The following MED13L variants were observed in gnomAD, a reference collection of about 807,000 sequenced individuals.
MED13L encodes the protein mediator of RNA polymerase II transcription subunit 13-like.
A neutral mutation model predicts 220.9 loss-of-function variants in MED13L; 7 were observed. The observed-to-expected ratio is 0.03, with a 90% confidence interval of 0.02 to 0.06. The LOEUF (loss-of-function observed/expected upper bound fraction) is 0.06. Among genes scored for constraint, MED13L ranks in the 10% least tolerant of loss-of-function variants. The pLI, the probability that MED13L is intolerant of heterozygous loss-of-function variation, is 1.00. For synonymous variants in MED13L, 1,011 were observed against 1,015.2 expected (o/e 1.00, Z 0.08); for missense variants, 1,965 against 2,760.5 (o/e 0.71, Z 6.46).
intron 22 of MED13L, 33 bp downstream of exon 22, chr12:115,982,351 T>A (rs1480882974): frequency 6.4e-7 from 1 of 1,573,088 alleles, no homozygotes; most frequent in Admixed American, 1.7e-5. Flanking sequence ...AATAACAACA[T>A]CAAAAGTAAA....
chr12:116,012,888 A>G lies in MED13L; in HGVS notation c.1189T>C (p.Ser397Pro), dbSNP rs748825720. ...NRTQSKRSQM[S>P]TPTLEEEPAS... is the part of the protein sequence containing the mutation. Reference sequence around the variant, plus strand: ...GGCTCTTCTTCAAGAGTTGGAGTTGACATTTGGCTCCTCCTAAAAGGGTTA... The same window carrying G: ...GGCTCTTCTTCAAGAGTTGGAGTTGGCATTTGGCTCCTCCTAAAAGGGTTA... Residue 397 changes from serine (S) to proline (P), a missense_variant, in exon 9 of 31, where the codon TCA becomes CCA. Transcript: ENST00000281928. 9 of 1,613,498 alleles carry G rather than the reference A, an allele frequency of 5.6e-6. No individual in the cohort carries two copies. Among genetic ancestry groups the G allele is most frequent in the Middle Eastern group, 3.3e-4 (2 of 6,058 alleles).
At chr12:116,064,783 A>G (rs1366533341) in intron 4 of MED13L, among the ~76,000 whole-genome samples, 1 of 152,170 alleles carries the variant, frequency 6.6e-6, no homozygotes, top group East Asian at 1.9e-4. Context: ...TACGGCACTG[A>G]GACTCGTCAC....
intron 9 of MED13L, among the ~76,000 whole-genome samples, chr12:116,010,109 G>A (rs750225455): frequency 2.1e-4 from 32 of 152,148 alleles, no homozygotes; most frequent in Non-Finnish European, 3.5e-4. Context: ...TGGGACAGCA[G>A]GATGGCTGCC....
chr12:116,169,371 T>C (rs1879516274), intron 2 of MED13L: 1 of 152,234 alleles, frequency 6.6e-6, no homozygotes, highest in African/African-American at 2.4e-5. Flanking sequence ...AATTTTTTGC[T>C]AAATAAGCTT....
In MED13L at chr12:115,996,547, T is replaced by G; in HGVS notation, c.2925A>C (p.Ser975=). ...GTTCAATTTTAGGAGGAATTGCCCA[T>G]GAAGGCCGAAACAGACAGGCATCAG... ...KIPDACLFRP[S]WAIPPKIEQL... is the part of the protein sequence containing the mutation. Residue 975 remains serine, a synonymous_variant, in exon 16 of 31, where the codon TCA becomes TCC. Transcript: ENST00000281928. 1 of 1,614,190 alleles carries G rather than the reference T, an allele frequency of 6.2e-7. No individual in the cohort carries two copies.
At chr12:116,009,211 T>A in intron 9 of MED13L, 79 bp from the exon 10 acceptor site, 1 of 1,441,208 alleles carries the variant, frequency 6.9e-7, no homozygotes, top group South Asian at 1.2e-5. Flanking sequence ...TTTTAAAGCA[T>A]ACATTAGATG....
intron 4 of MED13L, among the ~76,000 whole-genome samples, chr12:116,079,948 G>A (rs1244300666): frequency 6.6e-6 from 1 of 152,050 alleles, no homozygotes; most frequent in Non-Finnish European, 1.5e-5. Flanking sequence ...CGTAAACCAT[G>A]GGCCGCATGT....
chr12:116,218,941 G>GCCCAGGCTGGTCTCAAACT (rs1883159843), intron 2 of MED13L, among the ~76,000 whole-genome samples: 1 of 152,016 alleles, frequency 6.6e-6, no homozygotes, highest in Non-Finnish European at 1.5e-5. Context: ...TCACCATATT[G>GCCCAGGCTGGTCTCAAACT]CCCAGGCTGG....
intron 1 of MED13L, 44 bp downstream of exon 1, chr12:116,277,016 C>A (rs979101812): frequency 2.9e-6 from 4 of 1,388,556 alleles, no homozygotes; most frequent in African/African-American, 1.4e-5. Flanking sequence ...GGGGACCCCC[C>A]CCCTTCCCCG....
intron 4 of MED13L, among the ~76,000 whole-genome samples, chr12:116,039,381 A>G (rs981697453): frequency 1.3e-4 from 20 of 152,200 alleles, no homozygotes; most frequent in African/African-American, 4.8e-4. Flanking sequence ...ATAAAATTGG[A>G]GCTAACGCTT....
intron 28 of MED13L, among the ~76,000 whole-genome samples, chr12:115,966,767 C>T (rs1212581913): frequency 6.6e-6 from 1 of 152,156 alleles, no homozygotes; most frequent in Non-Finnish European, 1.5e-5. Flanking sequence ...CTGGAAGAGG[C>T]TATGTTTTGC....
intron 1 of MED13L, among the ~76,000 whole-genome samples, chr12:116,249,434 C>T (rs1449361782): frequency 6.6e-6 from 1 of 152,082 alleles, no homozygotes; most frequent in Non-Finnish European, 1.5e-5. Context: ...TTCAACAACA[C>T]TCACAATGTC....
At chr12:116,073,184 A>AT (rs1051999106) in intron 4 of MED13L, among the ~76,000 whole-genome samples, 100 of 151,476 alleles carry the variant, frequency 6.6e-4, no homozygotes, top group Middle Eastern at 3.4e-3. Flanking sequence ...ATGGGTATGT[A>AT]TTTTTTTTTA....
chr12:116,058,378 T>C (rs1592995637), intron 4 of MED13L, among the ~76,000 whole-genome samples: 1 of 152,200 alleles, frequency 6.6e-6, no homozygotes, highest in African/African-American at 2.4e-5. Context: ...AACTCAAAAA[T>C]ACTGTTTTCC....
At chr12:115,969,503 G>T (rs1429122811) in intron 27 of MED13L, among the ~76,000 whole-genome samples, 1 of 152,004 alleles carries the variant, frequency 6.6e-6, no homozygotes, top group African/African-American at 2.4e-5. Flanking sequence ...CTGAATGAAT[G>T]CATGTTAATG....
At chr12:116,049,895 T>C (rs1370791896) in intron 4 of MED13L, among the ~76,000 whole-genome samples, 1 of 152,146 alleles carries the variant, frequency 6.6e-6, no homozygotes, top group Non-Finnish European at 1.5e-5. Flanking sequence ...TAGAATAGAA[T>C]TGAAAATGTA....
At chr12:116,235,428 T>C (rs1365443255) in intron 2 of MED13L, among the ~76,000 whole-genome samples, 2 of 152,272 alleles carry the variant, frequency 1.3e-5, no homozygotes, top group Admixed American at 6.5e-5. Context: ...ATTAGAAAAT[T>C]AGAAAAACTG....
chr12:116,055,271 A>T (rs1464967743), intron 4 of MED13L, among the ~76,000 whole-genome samples: 2 of 152,226 alleles, frequency 1.3e-5, no homozygotes, highest in Non-Finnish European at 2.9e-5. Flanking sequence ...TGATAAAGCT[A>T]AACACTTATG....
rs961982859 is a variant in MED13L, at chr12:116,256,155, T to C, written c.73-18450A>G. Among the ~76,000 whole-genome samples, 33 of 152,302 alleles carry C rather than the reference T, an allele frequency of 2.2e-4. 1 individual carries two copies. Among genetic ancestry groups the C allele is most frequent in the Admixed American group, 7.8e-4 (12 of 15,306 alleles). On this transcript the variant is annotated intron_variant, in intron 1 of 30. Transcript: ENST00000281928. ...TACAAACATTTTATTTTTTGCAAGT[T>C]TGGCAGTTCTTTATAAAGTGAAACT...
Sources: allele counts gnomAD v4.1 joint callset (sites outside exome capture counted in the v4.1 genomes callset), GRCh38; gene constraint gnomAD v4.1.1; transcripts MANE v1.5; gene names NCBI Gene and HGNC (gene_info 2026-07-23, HGNC 2026-07-21).